The following ZNF827 variants were observed in gnomAD, a reference collection of about 807,000 sequenced individuals.
The protein encoded by ZNF827 is zinc finger protein 827.
A neutral mutation model predicts 102.4 loss-of-function variants in ZNF827; 13 were observed. The observed-to-expected ratio is 0.13, with a 90% confidence interval of 0.08 to 0.20. The LOEUF (loss-of-function observed/expected upper bound fraction) is 0.20, where lower values mean the gene tolerates loss of function less well. Among genes scored for constraint, ZNF827 ranks in the 10% least tolerant of loss-of-function variants. The pLI is 1.00. For synonymous variants in ZNF827, 523 were observed against 536.2 expected (o/e 0.98, Z 0.34); for missense variants, 1,103 against 1,344.4 (o/e 0.82, Z 2.81).
intron 5 of ZNF827, among the ~76,000 whole-genome samples, chr4:145,850,901 A>G (rs67165848): frequency 0.24 from 36,264 of 152,130 alleles, 4,734 homozygotes; most frequent in Non-Finnish European, 0.29. Flanking sequence ...TGGGAAAAAA[A>G]GGTCCTTGCA....
intron 8 of ZNF827, among the ~76,000 whole-genome samples, chr4:145,817,703 A>T (rs546284415): frequency 6.6e-6 from 1 of 152,342 alleles, no homozygotes; most frequent in South Asian, 2.1e-4. Context: ...CCATATCAAG[A>T]TGACAGAACT....
intron 8 of ZNF827, among the ~76,000 whole-genome samples, chr4:145,785,016 T>C (rs115822584): frequency 0.012 from 1,862 of 152,352 alleles, 36 homozygotes; most frequent in African/African-American, 0.042. Context: ...TTTCCACCTA[T>C]GATGTTTGCC....
At chr4:145,937,350 CAAG>C (rs1476509838) in intron 1 of ZNF827, among the ~76,000 whole-genome samples, 1 of 151,900 alleles carries the variant, frequency 6.6e-6, no homozygotes, top group Non-Finnish European at 1.5e-5. Flanking sequence ...TCAGGCTCGC[CAAG>C]GAGGGGGTCT....
intron 4 of ZNF827, among the ~76,000 whole-genome samples, chr4:145,874,119 T>G (rs887361004): frequency 1.9e-4 from 29 of 152,154 alleles, no homozygotes; most frequent in Admixed American, 1.1e-3. Flanking sequence ...CTAGAAGCAT[T>G]AGTCAGAGTA....
chr4:145,795,367 C>G (rs1369557025), intron 8 of ZNF827, among the ~76,000 whole-genome samples: 1 of 152,130 alleles, frequency 6.6e-6, no homozygotes, highest in Non-Finnish European at 1.5e-5. Context: ...AGGCTGGTCT[C>G]GAACTCCTGC....
intron 5 of ZNF827, among the ~76,000 whole-genome samples, chr4:145,868,164 T>TA (rs1748370889): frequency 6.6e-6 from 1 of 152,200 alleles, no homozygotes; most frequent in South Asian, 2.1e-4. Flanking sequence ...TTGTTATGAC[T>TA]AAAAAACTTC....
intron 8 of ZNF827, among the ~76,000 whole-genome samples, chr4:145,798,678 T>C (rs995097282): frequency 2.2e-4 from 33 of 152,128 alleles, no homozygotes; most frequent in South Asian, 1.0e-3. Context: ...ATAATAATAA[T>C]AACAACAATA....
At chr4:145,821,851 TTTAACTTGACCAATAA>T (rs1259551877) in intron 8 of ZNF827, among the ~76,000 whole-genome samples, 1 of 152,200 alleles carries the variant, frequency 6.6e-6, no homozygotes, top group Non-Finnish European at 1.5e-5. Flanking sequence ...TAGGTCAAGT[TTTAACTTGACCAATAA>T]ACCCTGCTTT....
At chr4:145,918,628 G>C (rs917913189) in intron 1 of ZNF827, among the ~76,000 whole-genome samples, 1 of 152,056 alleles carries the variant, frequency 6.6e-6, no homozygotes. Context: ...TATAAAATAA[G>C]GGGTTAGGAT....
chr4:145,835,651 A>G (rs374417169), intron 7 of ZNF827, among the ~76,000 whole-genome samples: 4 of 148,086 alleles, frequency 2.7e-5, no homozygotes, highest in Non-Finnish European at 4.4e-5. Context: ...AGTATAAGAT[A>G]CCTCTACTCC....
At chr4:145,827,661 G>A (rs1431370004) in intron 7 of ZNF827, among the ~76,000 whole-genome samples, 2 of 152,212 alleles carry the variant, frequency 1.3e-5, no homozygotes, top group Admixed American at 6.5e-5. Context: ...ATACACAACT[G>A]TGTATTAATC....
intron 5 of ZNF827, among the ~76,000 whole-genome samples, chr4:145,863,146 T>C (rs760311445): frequency 2.0e-5 from 3 of 152,204 alleles, no homozygotes; most frequent in Non-Finnish European, 4.4e-5. Context: ...CATGAAAATA[T>C]GCTCAACATC....
At chr4:145,817,267 A>C (rs114910643) in intron 8 of ZNF827, among the ~76,000 whole-genome samples, 44 of 152,360 alleles carry the variant, frequency 2.9e-4, no homozygotes, top group Non-Finnish European at 5.6e-4. Flanking sequence ...TTTTAGCAGT[A>C]AAGCCCCTAG....
chr4:145,813,311 T>G (rs1375239849), intron 8 of ZNF827, among the ~76,000 whole-genome samples: 3 of 152,224 alleles, frequency 2.0e-5, no homozygotes, highest in Non-Finnish European at 4.4e-5. Flanking sequence ...GAAGATCTTT[T>G]GAGAGAAGGA....
rs138677123 is a variant in ZNF827, at chr4:145,764,081, T to C, written c.3230+907A>G. 9.2e-3 allele frequency among the ~76,000 whole-genome samples: 1,395 copies of C among 152,292 alleles called. 23 individuals carry two copies. The highest frequency in any genetic ancestry group is 0.032 in the African/African-American group (1,332 of 41,540). On this transcript the variant is annotated intron_variant, in intron 13 of 14. Coordinates refer to ENST00000508784, the MANE Select transcript of ZNF827 (RefSeq NM_001306215.2). ...AGGTTGTGCGTTTCAATGACGAACA[T>C]GTTTTAAAACAAAAGGTTTTTTCCC...
intron 7 of ZNF827, among the ~76,000 whole-genome samples, chr4:145,838,681 T>C (rs533291518): frequency 6.6e-6 from 1 of 152,240 alleles, no homozygotes; most frequent in Admixed American, 6.5e-5. Flanking sequence ...TATATATTGT[T>C]AGGTGAAAAC....
intron 8 of ZNF827, among the ~76,000 whole-genome samples, chr4:145,807,322 A>T (rs750351913): frequency 3.9e-5 from 6 of 152,216 alleles, no homozygotes; most frequent in Non-Finnish European, 7.3e-5. Context: ...CCCTCTAAAC[A>T]TTTAATTTTT....
chr4:145,924,903 G>C (rs955574335), intron 1 of ZNF827, among the ~76,000 whole-genome samples: 6 of 152,036 alleles, frequency 3.9e-5, no homozygotes, highest in Admixed American at 3.9e-4. Context: ...ATTTTGCCCT[G>C]TTTTGGTTAA....
chr4:145,864,420 C>CAAAAAAAAAAA (rs34745619), intron 5 of ZNF827, among the ~76,000 whole-genome samples: 1 of 60,806 alleles, frequency 1.6e-5, no homozygotes. Flanking sequence ...CTTGTCTCTA[C>CAAAAAAAAAAA]AAAAAAAAAA....
Sources: allele counts gnomAD v4.1 joint callset (sites outside exome capture counted in the v4.1 genomes callset), GRCh38; gene constraint gnomAD v4.1.1; transcripts MANE v1.5; gene names NCBI Gene and HGNC (gene_info 2026-07-23, HGNC 2026-07-21).